The following PTPRJ variants were observed in gnomAD, a reference collection of about 807,000 sequenced individuals.
The protein encoded by PTPRJ is receptor-type tyrosine-protein phosphatase eta.
PTPRJ carries 129 observed loss-of-function variants against 141.3 expected under a neutral mutation model. That is an observed-to-expected ratio of 0.91 (90% CI 0.79 to 1.06). PTPRJ has a LOEUF of 1.06. PTPRJ is among the 50% of genes least tolerant of loss of function. The pLI, the probability that PTPRJ is intolerant of heterozygous loss-of-function variation, is 0.00. For missense variants in PTPRJ, 1,601 were observed against 1,679.7 expected (o/e 0.95, Z 0.82); for synonymous variants, 610 against 640.5 (o/e 0.95, Z 0.72).
intron 1 of PTPRJ, among the ~76,000 whole-genome samples, chr11:48,027,160 G>A (rs865898090): frequency 4.0e-5 from 6 of 151,292 alleles, no homozygotes; most frequent in Non-Finnish European, 8.9e-5. Context: ...ACCTGCCACC[G>A]CGCCCAGCTA....
chr11:48,161,021 C>T (rs1277296056), intron 22 of PTPRJ, among the ~76,000 whole-genome samples: 1 of 151,140 alleles, frequency 6.6e-6, no homozygotes, highest in Non-Finnish European at 1.5e-5. Flanking sequence ...CCAAACCAAA[C>T]CCAAAAATTA....
At chr11:48,003,523 G>A (rs1854552394) in intron 1 of PTPRJ, among the ~76,000 whole-genome samples, 1 of 152,056 alleles carries the variant, frequency 6.6e-6, no homozygotes, top group South Asian at 2.1e-4. Flanking sequence ...TTGAGACAGA[G>A]TTTTGCTTGT....
At chr11:48,000,140 C>CTTT (rs1168869186) in intron 1 of PTPRJ, among the ~76,000 whole-genome samples, 2 of 121,366 alleles carry the variant, frequency 1.6e-5, no homozygotes, top group Non-Finnish European at 3.5e-5. Context: ...ATGCCTGGCC[C>CTTT]TTTTTTTTTT....
At chr11:48,145,247 C>A in intron 14 of PTPRJ, 123 bp downstream of exon 14, 1 of 1,367,992 alleles carries the variant, frequency 7.3e-7, no homozygotes, top group Non-Finnish European at 1.0e-6. Context: ...CCAGCTCTCC[C>A]CTCCCAGAGG....
chr11:48,035,477 C>T (rs1428371993), intron 1 of PTPRJ, among the ~76,000 whole-genome samples: 1 of 150,918 alleles, frequency 6.6e-6, no homozygotes, highest in Middle Eastern at 3.2e-3. Flanking sequence ...TGGGTGGGGA[C>T]CATCTGTGCT....
chr11:48,054,784 G>T (rs1440159713), intron 1 of PTPRJ, among the ~76,000 whole-genome samples: 1 of 151,382 alleles, frequency 6.6e-6, no homozygotes, highest in Admixed American at 6.6e-5. Flanking sequence ...TAACTCCTCT[G>T]AGTGTTAATT....
At chr11:48,089,755 GAGCTGTTCA>G (rs1404347129) in intron 1 of PTPRJ, among the ~76,000 whole-genome samples, 1 of 152,172 alleles carries the variant, frequency 6.6e-6, no homozygotes, top group Non-Finnish European at 1.5e-5. Flanking sequence ...TTGGCACCTG[GAGCTGTTCA>G]CAGTAAATGG....
chr11:48,139,601 T>G lies in PTPRJ; in HGVS notation c.2268T>G (p.Ser756Arg), dbSNP rs143241468. The G allele has an allele frequency of 3.1e-6, 5 of 1,614,096 alleles. No individual in the cohort carries two copies. In the African/African-American group the frequency reaches 5.3e-5, roughly 17 times the overall value. The change falls in exon 11 of 25, where the codon AGT becomes AGG. Residue 756 changes from serine to arginine, a missense_variant. By Grantham distance (110) the Ser-to-Arg change is moderately radical (BLOSUM62 -1). Transcript: ENST00000418331. ...CAGGCTTTGAGCTGGAGGTCAGCAG[T>G]GGAGCCTGGAACAATGCGACCCACC... ...ANAGFELEVSSGAWNNATHLE... is the reference protein window; with the variant it reads ...ANAGFELEVSRGAWNNATHLE...
chr11:48,128,535 G>A (rs1032902294), intron 7 of PTPRJ, among the ~76,000 whole-genome samples: 6 of 152,144 alleles, frequency 3.9e-5, no homozygotes, highest in Admixed American at 2.0e-4. Flanking sequence ...AAAAGCTTTA[G>A]GTTTCAAAGA....
At chr11:48,075,007 C>G (rs1288180677) in intron 1 of PTPRJ, among the ~76,000 whole-genome samples, 2 of 152,026 alleles carry the variant, frequency 1.3e-5, no homozygotes, top group African/African-American at 4.8e-5. Context: ...TACAGGGGAG[C>G]TAGTGGGTGT....
intron 1 of PTPRJ, among the ~76,000 whole-genome samples, chr11:47,983,284 A>G (rs1386276893): frequency 6.6e-6 from 1 of 152,216 alleles, no homozygotes; most frequent in African/African-American, 2.4e-5. Flanking sequence ...GAATTTTTCA[A>G]AGTTGAATCA....
rs1308120025 is a variant in PTPRJ at position 48,163,459 on chromosome 11, T to G, written c.3560T>G (p.Ile1187Ser). The G allele has an allele frequency of 2.5e-6, 4 of 1,613,880 alleles. No individual in the cohort carries two copies. The highest frequency in any genetic ancestry group is 3.4e-6 in the Non-Finnish European group (4 of 1,179,842). Residue 1187 changes from isoleucine to serine, a missense_variant and splice_region_variant, in exon 23 of 25, where the codon ATC becomes AGC. Coordinates refer to ENST00000418331, the MANE Select transcript of PTPRJ (RefSeq NM_002843.4). ...CTAAATCATTTTCTGGGCTTTTAGA[T>G]CCAGACAAGTGAGAGTCACCCTCTG... ...WTIRDFTVKN[I>S]QTSESHPLRQ...
intron 1 of PTPRJ, among the ~76,000 whole-genome samples, chr11:48,062,591 C>T (rs764784128): frequency 6.6e-5 from 10 of 152,238 alleles, no homozygotes; most frequent in Middle Eastern, 3.4e-3. Context: ...TTATCAACAA[C>T]ATTGGCAGGT....
In PTPRJ at chr11:48,121,312, A is replaced by G. The variant is rs779732891; in HGVS notation, c.616+46A>G. The G allele has an allele frequency of 1.8e-5, 29 of 1,596,632 alleles. No homozygotes were observed. The East Asian group carries it at 6.3e-4, about 34-fold the overall frequency. ...GGATGATGACAAACCATTTCTTATT[A>G]TGGTGTATTCTAGGGCCTTGTCCGT... On this transcript the variant is annotated intron_variant, in intron 4 of 24. Transcript: ENST00000418331.
intron 8 of PTPRJ, among the ~76,000 whole-genome samples, 195 bp from the exon 9 acceptor site, chr11:48,135,844 G>A (rs1052146549): frequency 3.3e-5 from 5 of 152,226 alleles, no homozygotes; most frequent in African/African-American, 1.2e-4. Context: ...GGAAGTTCAT[G>A]TGCGTCACAG....
At chr11:48,125,487 A>C (rs1288636479) in intron 6 of PTPRJ, among the ~76,000 whole-genome samples, 1 of 152,218 alleles carries the variant, frequency 6.6e-6, no homozygotes, top group East Asian at 1.9e-4. Flanking sequence ...AACTGGCATC[A>C]TACTTTCCTC....
At chr11:48,101,364 C>T (rs989993598) in intron 1 of PTPRJ, among the ~76,000 whole-genome samples, 1 of 152,028 alleles carries the variant, frequency 6.6e-6, no homozygotes, top group African/African-American at 2.4e-5. Flanking sequence ...GTGGGGTGGT[C>T]GTTTGACTGT....
chr11:48,053,413 TAA>T (rs1475859023), intron 1 of PTPRJ, among the ~76,000 whole-genome samples: 1 of 100,760 alleles, frequency 9.9e-6, no homozygotes, highest in Non-Finnish European at 1.7e-5. Flanking sequence ...ATAATATATA[TAA>T]ATATATATGT....
chr11:48,034,362 A>G (rs543795304), intron 1 of PTPRJ, among the ~76,000 whole-genome samples: 14 of 151,952 alleles, frequency 9.2e-5, no homozygotes, highest in Admixed American at 5.9e-4. Context: ...CTTAGAATTT[A>G]GGTCTCAGTT....
Sources: gnomAD v4.1 joint callset for allele counts (sites outside exome capture counted in the v4.1 genomes callset) on GRCh38, gnomAD v4.1.1 for gene constraint, MANE v1.5 for transcripts, NCBI Gene and HGNC (gene_info 2026-07-23, HGNC 2026-07-21) for gene names.